The following KCNMA1 variants were observed in gnomAD, a reference collection of about 807,000 sequenced individuals.
The protein encoded by KCNMA1 is Calcium-activated potassium channel subunit alpha-1.
In KCNMA1, 29 loss-of-function variants were observed where a neutral mutation model predicts 140.0. That is an observed-to-expected ratio of 0.21 (90% CI 0.15 to 0.28). The LOEUF (loss-of-function observed/expected upper bound fraction) is 0.28. Among genes scored for constraint, KCNMA1 ranks in the 10% least tolerant of loss-of-function variants. The pLI, the probability that KCNMA1 is intolerant of heterozygous loss-of-function variation, is 1.00. For missense variants in KCNMA1, 880 were observed against 1,602.2 expected, an observed-to-expected ratio of 0.55 and a Z score of 7.70; for synonymous variants, 612 against 611.9, an observed-to-expected ratio of 1.00 and a Z score of 0.00.
intron 5 of KCNMA1, among the ~76,000 whole-genome samples, chr10:77,154,938 T>TCTAATGAG (rs2098465664): frequency 6.6e-6 from 1 of 152,230 alleles, no homozygotes; most frequent in South Asian, 2.1e-4. Flanking sequence ...CAGAGGCCTT[T>TCTAATGAG]CTAATGAGGT....
intron 6 of KCNMA1, among the ~76,000 whole-genome samples, chr10:77,118,237 T>C (rs1387191449): frequency 6.6e-6 from 1 of 152,158 alleles, no homozygotes; most frequent in Non-Finnish European, 1.5e-5. Context: ...CAGCAGAGTA[T>C]GGAAGAGTCA....
chr10:77,446,753 GAGA>G (rs2097536656), intron 1 of KCNMA1, among the ~76,000 whole-genome samples: 1 of 152,216 alleles, frequency 6.6e-6, no homozygotes, highest in South Asian at 2.1e-4. Flanking sequence ...AGTAACACCA[GAGA>G]AGGTCACCCT....
intron 19 of KCNMA1, among the ~76,000 whole-genome samples, chr10:76,997,944 G>T (rs1244276914): frequency 6.6e-6 from 1 of 152,162 alleles, no homozygotes; most frequent in Non-Finnish European, 1.5e-5. Context: ...AAATCCTTTT[G>T]TGATGAATCC....
intron 1 of KCNMA1, among the ~76,000 whole-genome samples, chr10:77,431,645 G>C (rs1398065322): frequency 8.3e-6 from 1 of 120,974 alleles, no homozygotes; most frequent in Non-Finnish European, 1.6e-5. Flanking sequence ...GCAACTGCTA[G>C]ATATTTGCAG....
At chr10:77,073,357 G>T in intron 13 of KCNMA1, 105 bp from the exon 14 acceptor site, 1 of 1,160,682 alleles carries the variant, frequency 8.6e-7, no homozygotes, top group Non-Finnish European at 1.3e-6. Context: ...GGGCCATCCA[G>T]TCTTGCCCTT....
intron 3 of KCNMA1, among the ~76,000 whole-genome samples, chr10:77,233,484 C>T (rs1321405346): frequency 6.6e-6 from 1 of 152,172 alleles, no homozygotes; most frequent in Non-Finnish European, 1.5e-5. Flanking sequence ...CTGTAGGGAG[C>T]CAAAGGCCCA....
At chr10:77,430,344 C>T (rs866456392) in intron 1 of KCNMA1, among the ~76,000 whole-genome samples, 1 of 152,150 alleles carries the variant, frequency 6.6e-6, no homozygotes. Context: ...GAGCAGGAGC[C>T]GAATGCACTA....
At chr10:77,212,505 A>G (rs1215714741) in intron 3 of KCNMA1, among the ~76,000 whole-genome samples, 1 of 152,190 alleles carries the variant, frequency 6.6e-6, no homozygotes, top group Non-Finnish European at 1.5e-5. Context: ...TATGCTCGCT[A>G]CCTGGGTGCA....
At chr10:77,548,609 C>T (rs1288666919) in intron 1 of KCNMA1, among the ~76,000 whole-genome samples, 1 of 152,208 alleles carries the variant, frequency 6.6e-6, no homozygotes, top group Non-Finnish European at 1.5e-5. Context: ...TACCAGCAGG[C>T]ACAACTCTTG....
At chr10:77,436,236 A>C (rs1162707287) in intron 1 of KCNMA1, among the ~76,000 whole-genome samples, 2 of 152,240 alleles carry the variant, frequency 1.3e-5, no homozygotes, top group Non-Finnish European at 2.9e-5. Context: ...CTCTCAAGCA[A>C]CATCAGGCTT....
intron 1 of KCNMA1, among the ~76,000 whole-genome samples, chr10:77,521,384 T>A (rs1297581508): frequency 6.6e-6 from 1 of 152,188 alleles, no homozygotes; most frequent in Non-Finnish European, 1.5e-5. Flanking sequence ...TCAGTTACCA[T>A]CCTGGTGCCT....
intron 1 of KCNMA1, among the ~76,000 whole-genome samples, chr10:77,411,918 G>A (rs529121976): frequency 2.8e-4 from 42 of 152,370 alleles, no homozygotes; most frequent in African/African-American, 1.0e-3. Flanking sequence ...TGCAGATGCT[G>A]CTAAAGGAAG....
chr10:77,156,967 T>C (rs955489074), intron 5 of KCNMA1, among the ~76,000 whole-genome samples: 7 of 152,168 alleles, frequency 4.6e-5, no homozygotes, highest in Admixed American at 1.3e-4. Context: ...CTCCTAGCCT[T>C]TGGGGAGACT....
At chr10:77,634,777 A>AC (rs1341583969) in intron 1 of KCNMA1, 2 of 159,546 alleles carry the variant, frequency 1.3e-5, no homozygotes, top group African/African-American at 7.9e-5. Flanking sequence ...AGAAAAAAAG[A>AC]CAAACACACA....
intron 17 of KCNMA1, among the ~76,000 whole-genome samples, chr10:77,018,782 C>A (rs979463475): frequency 6.6e-6 from 1 of 152,148 alleles, no homozygotes; most frequent in African/African-American, 2.4e-5. Context: ...TTTTCTCCCT[C>A]ACAAAATAAA....
At chr10:77,153,940 ATGTC>A (rs913852724) in intron 5 of KCNMA1, among the ~76,000 whole-genome samples, 1 of 152,088 alleles carries the variant, frequency 6.6e-6, no homozygotes, top group Non-Finnish European at 1.5e-5. Context: ...AAATGAGAAA[ATGTC>A]TGTTGTTCAC....
At chr10:77,022,887 A>G (rs1349937344) in intron 16 of KCNMA1, 2 of 449,542 alleles carry the variant, frequency 4.4e-6, no homozygotes, top group Admixed American at 4.8e-5. Flanking sequence ...AATCTCTCAG[A>G]TGTGTTAAGT....
intron 25 of KCNMA1, among the ~76,000 whole-genome samples, chr10:76,892,420 CA>C (rs1229525318): frequency 2.0e-5 from 3 of 151,910 alleles, no homozygotes; most frequent in African/African-American, 4.8e-5. Context: ...CTGTCAGGAA[CA>C]AAAGAATGGG....
chr10:77,063,464 A>T (rs1353859452), intron 14 of KCNMA1, among the ~76,000 whole-genome samples: 1 of 152,142 alleles, frequency 6.6e-6, no homozygotes, highest in East Asian at 1.9e-4. Flanking sequence ...AAGGTATATC[A>T]CGTAAACTGA....
Sources: allele counts gnomAD v4.1 joint callset (sites outside exome capture counted in the v4.1 genomes callset), GRCh38; gene constraint gnomAD v4.1.1; transcripts MANE v1.5; gene names NCBI Gene and HGNC (gene_info 2026-07-23, HGNC 2026-07-21).